The following MCCC1 variants were observed in gnomAD, a reference collection of about 807,000 sequenced individuals.
MCCC1 encodes methylcrotonyl-CoA carboxylase subunit 1.
MCCC1 carries 64 observed loss-of-function variants against 83.8 expected under a neutral mutation model. That is an observed-to-expected ratio of 0.76 (90% CI 0.62 to 0.94). The LOEUF (loss-of-function observed/expected upper bound fraction) is 0.94, where lower values mean the gene tolerates loss of function less well. Ranked by LOEUF, MCCC1 falls within the 40% of genes least tolerant of loss-of-function variation. The probability of loss-of-function intolerance (pLI) is 0.00; values close to 1 mark genes in which losing one functional copy is unlikely to be tolerated. For missense variants in MCCC1, 807 were observed against 904.7 expected (o/e 0.89, Z 1.39); for synonymous variants, 322 against 315.4 (o/e 1.02, Z -0.22).
In MCCC1 at chr3:183,057,424, T is replaced by C. The variant is rs765149078; in HGVS notation, c.762-2A>G. 1 of 1,595,514 alleles carries C rather than the reference T, an allele frequency of 6.3e-7. No homozygotes were observed. Among genetic ancestry groups the C allele is most frequent in the South Asian group, 1.1e-5 (1 of 88,724 alleles). On this transcript the variant is annotated splice_acceptor_variant, in intron 7 of 18. Coordinates refer to ENST00000265594, the MANE Select transcript of MCCC1 (RefSeq NM_020166.5). LOFTEE classifies it high-confidence loss of function. The stretch of plus-strand genomic sequence containing the variant: ...CCAAACACCTGGACTTCTACATGCC[T>C]ATATAAAAGCAAACATGTATGTTAA...
rs756447790 is a variant in MCCC1, at chr3:183,092,499, G to A, written c.183C>T (p.Ala61=). 9 of 1,614,054 alleles carry A rather than the reference G, an allele frequency of 5.6e-6. No homozygotes were observed. In the East Asian group the frequency reaches 1.6e-4, roughly 28 times the overall value. The change falls in exon 3 of 19, where the codon GCC becomes GCT. Residue 61 remains alanine, a synonymous_variant. Transcript: ENST00000265594. ...TTTTGGCTGTGCGCATCACCCTGCA[G>A]GCAATTTCTCCTCTGTTTGCAATGA... The part of the protein sequence containing the change: ...KVLIANRGEI[A]CRVMRTAKKL...
intron 4 of MCCC1, among the ~76,000 whole-genome samples, chr3:183,082,775 T>G (rs928384321): frequency 1.3e-5 from 2 of 152,076 alleles, no homozygotes; most frequent in Non-Finnish European, 2.9e-5. Context: ...CCCAGGAGTT[T>G]GAGACCAGCC....
intron 16 of MCCC1, among the ~76,000 whole-genome samples, chr3:183,020,577 G>T (rs977048825): frequency 8.5e-5 from 13 of 152,054 alleles, no homozygotes; most frequent in Non-Finnish European, 1.6e-4. Flanking sequence ...GCTGCAGTGA[G>T]CTAAGACTGC....
chr3:183,022,942 T>C (rs1391540820), intron 15 of MCCC1, among the ~76,000 whole-genome samples: 3 of 152,166 alleles, frequency 2.0e-5, no homozygotes, highest in African/African-American at 7.2e-5. Flanking sequence ...TCTGAGTATT[T>C]GAAGTCAAAT....
intron 7 of MCCC1, 72 bp from the exon 8 acceptor site, chr3:183,057,494 T>C: frequency 1.7e-6 from 2 of 1,171,944 alleles, no homozygotes; most frequent in Non-Finnish European, 2.5e-6. Context: ...TAAGCTAAAC[T>C]GTTAGGCACA....
intron 1 of MCCC1, among the ~76,000 whole-genome samples, chr3:183,098,172 G>GC (rs1411304452): frequency 1.3e-5 from 2 of 152,202 alleles, no homozygotes; most frequent in Non-Finnish European, 2.9e-5. Context: ...CTCGTGATCT[G>GC]CCCGCCTCGG....
rs142507365 is a variant in MCCC1, at chr3:183,039,100, C to T, written c.1303G>A (p.Ala435Thr). The T allele has an allele frequency of 1.7e-5, 27 of 1,614,210 alleles. No individual in the cohort carries two copies. In the African/African-American group the frequency reaches 3.2e-4, roughly 19 times the overall value. Residue 435 changes from alanine to threonine, a missense_variant, in exon 12 of 19, where the codon GCG becomes ACG. By Grantham distance (58) the Ala-to-Thr change is moderately conservative (BLOSUM62 0). Coordinates refer to ENST00000265594, the MANE Select transcript of MCCC1 (RefSeq NM_020166.5). ...TCTGCTGCCCACACGACCAGCTTCGCAATCATGGGGTCATAATGCACGGAA... is the reference window on the plus strand; with the variant it reads ...TCTGCTGCCCACACGACCAGCTTCGTAATCATGGGGTCATAATGCACGGAA... The part of the protein sequence containing the change: ...EVSVHYDPMI[A>T]KLVVWAADRQ...
chr3:183,022,428 G>A lies in MCCC1; in HGVS notation c.1858C>T (p.Leu620=), dbSNP rs1382492613. 6.2e-7 allele frequency: 1 copy of A among 1,613,960 alleles called. No homozygotes were observed. Among genetic ancestry groups the A allele is most frequent in the Admixed American group, 1.7e-5 (1 of 60,010 alleles). ...KLIILENTIY[L]FSKEGSIEID... is the part of the protein sequence containing the mutation. ...AGAAGAGACATTACCTTGGAAAATA[G>A]GTAAATAGTGTTTTCCAGGATAATC... The change falls in exon 16 of 19, where the codon CTA becomes TTA. Residue 620 remains leucine (L), a synonymous_variant. Transcript: ENST00000265594.
At chr3:183,017,229 A>G in intron 18 of MCCC1, 37 bp downstream of exon 18, 1 of 1,583,194 alleles carries the variant, frequency 6.3e-7, no homozygotes, top group Non-Finnish European at 8.7e-7. Flanking sequence ...GATTGCTCCC[A>G]AAGTCCTCAT....
At chr3:183,054,007 G>A (rs1715210348) in intron 8 of MCCC1, among the ~76,000 whole-genome samples, 3 of 144,922 alleles carry the variant, frequency 2.1e-5, no homozygotes, top group Admixed American at 7.0e-5. Flanking sequence ...TCAGCCTCCC[G>A]AGTAGCTGGG....
At chr3:183,111,169 G>A (rs1277861418) in intron 1 of MCCC1, among the ~76,000 whole-genome samples, 1 of 152,160 alleles carries the variant, frequency 6.6e-6, no homozygotes, top group African/African-American at 2.4e-5. Flanking sequence ...ACACAGCATG[G>A]TAAGTCGAGT....
chr3:183,083,449 G>T (rs1205315538), intron 4 of MCCC1, among the ~76,000 whole-genome samples: 1 of 151,970 alleles, frequency 6.6e-6, no homozygotes, highest in Non-Finnish European at 1.5e-5. Context: ...ACTAATTTTT[G>T]CAAGCCACCC....
chr3:183,050,154 A>C (rs947111112), intron 9 of MCCC1, among the ~76,000 whole-genome samples: 2 of 152,028 alleles, frequency 1.3e-5, no homozygotes, highest in African/African-American at 4.8e-5. Context: ...AGAGTCTAAG[A>C]CCAGCCTGGG....
intron 10 of MCCC1, among the ~76,000 whole-genome samples, chr3:183,043,126 C>T (rs527452900): frequency 6.6e-6 from 1 of 152,264 alleles, no homozygotes; most frequent in Non-Finnish European, 1.5e-5. Flanking sequence ...CCTGTCTCTA[C>T]TAAAAACACA....
chr3:183,110,785 G>A (rs528372301), intron 1 of MCCC1, among the ~76,000 whole-genome samples: 1 of 152,274 alleles, frequency 6.6e-6, no homozygotes, highest in South Asian at 2.1e-4. Flanking sequence ...TTATATTTAA[G>A]TCTTTAATCC....
At chr3:183,062,345 T>C (rs1449464817) in intron 7 of MCCC1, among the ~76,000 whole-genome samples, 3 of 133,728 alleles carry the variant, frequency 2.2e-5, no homozygotes, top group Non-Finnish European at 3.1e-5. Flanking sequence ...AGTTTTGTTT[T>C]TTCAGTTTTT....
intron 1 of MCCC1, among the ~76,000 whole-genome samples, chr3:183,109,038 C>T (rs1000836937): frequency 2.6e-5 from 4 of 152,156 alleles, no homozygotes; most frequent in Non-Finnish European, 5.9e-5. Context: ...GTTGCCCAAG[C>T]TGGAGTGCAG....
chr3:183,087,369 G>A (rs566672638), intron 3 of MCCC1, among the ~76,000 whole-genome samples: 1 of 152,290 alleles, frequency 6.6e-6, no homozygotes, highest in Non-Finnish European at 1.5e-5. Flanking sequence ...CACACTTTGA[G>A]GTGGGAGCTG....
intron 1 of MCCC1, among the ~76,000 whole-genome samples, chr3:183,111,102 G>C (rs778494901): frequency 1.8e-4 from 28 of 152,074 alleles, no homozygotes; most frequent in Admixed American, 1.6e-3. Flanking sequence ...GTGTCTCTTT[G>C]GGAAAATTAT....
Sources: allele counts gnomAD v4.1 joint callset (sites outside exome capture counted in the v4.1 genomes callset), GRCh38; gene constraint gnomAD v4.1.1; transcripts MANE v1.5; gene names NCBI Gene and HGNC (gene_info 2026-07-23, HGNC 2026-07-21).